Variants in NAALADL2 observed in about 807,000 individuals in gnomAD.
The protein encoded by NAALADL2 is inactive N-acetylated-alpha-linked acidic dipeptidase-like protein 2.
Under a neutral mutation model 87.2 loss-of-function variants are expected in NAALADL2, and 76 were observed. That is an observed-to-expected ratio of 0.87 (90% CI 0.72 to 1.05). The LOEUF (loss-of-function observed/expected upper bound fraction) is 1.05, where lower values mean the gene tolerates loss of function less well. Ranked by LOEUF, NAALADL2 falls within the 50% of genes least tolerant of loss-of-function variation. The pLI is 0.00. For synonymous variants in NAALADL2, 354 were observed against 331.0 expected, an observed-to-expected ratio of 1.07 and a Z score of -0.75; for missense variants, 1,089 against 945.8, an observed-to-expected ratio of 1.15 and a Z score of -1.99.
In NAALADL2 at chr3:175,466,927, AT is replaced by A. The variant is rs551899817; in HGVS notation, c.1328-50del. The A allele has an allele frequency of 7.7e-5, 105 of 1,363,124 alleles. No individual in the cohort carries two copies. The African/African-American group carries it at 1.2e-3, about 15-fold the overall frequency. 84.4% of individuals were successfully genotyped at this position (1,363,124 alleles called of 1,614,324 possible). On this transcript the variant is annotated intron_variant, in intron 7 of 13. Transcript: ENST00000454872. The stretch of plus-strand genomic sequence containing the variant: ...GAATTATGTAAATGTCATTAAATTT[AT>A]TGTTAAGGTTTACATTTTTTTAAAT...
intron 11 of NAALADL2, among the ~76,000 whole-genome samples, chr3:175,641,883 A>G (rs534364940): frequency 5.3e-5 from 8 of 152,348 alleles, no homozygotes; most frequent in Admixed American, 3.3e-4. Flanking sequence ...TTCAAATGCC[A>G]GGTATATTAG....
intron 2 of NAALADL2, among the ~76,000 whole-genome samples, chr3:175,126,739 AG>A (rs1467663828): frequency 6.6e-6 from 1 of 152,136 alleles, no homozygotes; most frequent in African/African-American, 2.4e-5. Context: ...AAGTTTCCTG[AG>A]GTTGACAGGT....
chr3:175,634,009 T>C (rs2149736459), intron 11 of NAALADL2, among the ~76,000 whole-genome samples: 1 of 151,936 alleles, frequency 6.6e-6, no homozygotes, highest in South Asian at 2.1e-4. Flanking sequence ...TAAGAAAATA[T>C]TTGTGTAAAG....
chr3:174,753,339 G>C (rs751559389), intron 3 of NAALADL2, among the ~76,000 whole-genome samples: 5 of 151,946 alleles, frequency 3.3e-5, no homozygotes, highest in Non-Finnish European at 5.9e-5. Flanking sequence ...GCCTCCCAAA[G>C]TGCTGGGATT....
chr3:175,735,699 T>C (rs1315374699), intron 11 of NAALADL2, among the ~76,000 whole-genome samples: 3 of 152,248 alleles, frequency 2.0e-5, no homozygotes, highest in East Asian at 3.9e-4. Context: ...GGGAAAGACA[T>C]GCCCCCATGA....
chr3:174,918,910 G>A (rs565856706), intron 1 of NAALADL2, among the ~76,000 whole-genome samples: 1 of 151,624 alleles, frequency 6.6e-6, no homozygotes, highest in Admixed American at 6.6e-5. Flanking sequence ...TAATATTGAT[G>A]TTCAGATCGG....
intron 9 of NAALADL2, among the ~76,000 whole-genome samples, chr3:175,558,547 T>A (rs1715739082): frequency 1.3e-5 from 2 of 152,206 alleles, no homozygotes; most frequent in Admixed American, 1.3e-4. Context: ...AGCAGTTTCA[T>A]AGTTGGAAGT....
At chr3:174,843,774 G>A in intron 3 of NAALADL2, among the ~76,000 whole-genome samples, 1 of 152,042 alleles carries the variant, frequency 6.6e-6, no homozygotes, top group East Asian at 1.9e-4. Flanking sequence ...TTTCCCTGAT[G>A]AATAGCGATG....
chr3:174,515,901 A>G (rs573220135), intron 1 of NAALADL2, among the ~76,000 whole-genome samples: 90 of 152,082 alleles, frequency 5.9e-4, no homozygotes, highest in Non-Finnish European at 1.1e-3. Context: ...GACATTAAAC[A>G]TAGGCAAAAG....
At chr3:175,670,376 A>C (rs1733768882) in intron 11 of NAALADL2, among the ~76,000 whole-genome samples, 1 of 148,496 alleles carries the variant, frequency 6.7e-6, no homozygotes, top group Non-Finnish European at 1.5e-5. Context: ...TATTTTAATC[A>C]AAATTATAAC....
intron 10 of NAALADL2, among the ~76,000 whole-genome samples, chr3:175,580,404 T>A (rs952190385): frequency 2.0e-5 from 3 of 152,200 alleles, no homozygotes; most frequent in African/African-American, 7.2e-5. Flanking sequence ...TTTTCATGTT[T>A]TACTTTAAGT....
intron 5 of NAALADL2, among the ~76,000 whole-genome samples, chr3:175,430,788 C>T (rs1350622692): frequency 6.6e-6 from 1 of 152,020 alleles, no homozygotes; most frequent in Non-Finnish European, 1.5e-5. Flanking sequence ...AACTATAATG[C>T]AGATTTAGAC....
intron 1 of NAALADL2, among the ~76,000 whole-genome samples, chr3:174,520,225 G>T (rs1424731318): frequency 1.3e-5 from 2 of 152,068 alleles, no homozygotes; most frequent in Non-Finnish European, 2.9e-5. Context: ...CCTAAAGTTC[G>T]TATGGAATCA....
intron 1 of NAALADL2, among the ~76,000 whole-genome samples, chr3:175,032,495 G>C (rs568304045): frequency 2.4e-4 from 37 of 151,986 alleles, no homozygotes; most frequent in African/African-American, 8.0e-4. Flanking sequence ...CCACATTAAA[G>C]TGTCAATACA....
chr3:174,715,610 C>T (rs1731107636), intron 2 of NAALADL2, among the ~76,000 whole-genome samples: 1 of 152,134 alleles, frequency 6.6e-6, no homozygotes, highest in African/African-American at 2.4e-5. Flanking sequence ...AGCCAATAAT[C>T]AGCAAAAGCC....
At chr3:175,791,641 C>CT (rs1752788714) in intron 13 of NAALADL2, among the ~76,000 whole-genome samples, 1 of 152,130 alleles carries the variant, frequency 6.6e-6, no homozygotes, top group African/African-American at 2.4e-5. Flanking sequence ...CCTAAACTGA[C>CT]TATTTCTATA....
At chr3:175,069,298 C>T (rs1715138020) in intron 1 of NAALADL2, among the ~76,000 whole-genome samples, 1 of 149,924 alleles carries the variant, frequency 6.7e-6, no homozygotes, top group African/African-American at 2.5e-5. Flanking sequence ...CTACAATGAA[C>T]TCAAACAAAT....
At position 174,486,957 on chromosome 3, in the gene NAALADL2, T is replaced by C. The variant is rs575595602; in HGVS notation, c.-184+45925T>C. On this transcript the variant is annotated intron_variant, in intron 1 of 3. Transcript: ENST00000434257. Reference sequence around the variant, plus strand: ...CCTTCTTATGCCCAACTTTTGGCCATAGTCATTAATTCATGATCCAAGCTG... The same window carrying C: ...CCTTCTTATGCCCAACTTTTGGCCACAGTCATTAATTCATGATCCAAGCTG... 1.4e-3 allele frequency among the ~76,000 whole-genome samples: 212 copies of C among 152,070 alleles called. 2 individuals are homozygous for C. Among genetic ancestry groups the C allele is most frequent in the African/African-American group, 4.8e-3 (201 of 41,520 alleles).
At chr3:175,633,594 T>C (rs1728106387) in intron 11 of NAALADL2, among the ~76,000 whole-genome samples, 1 of 151,948 alleles carries the variant, frequency 6.6e-6, no homozygotes, top group Non-Finnish European at 1.5e-5. Flanking sequence ...TAAAAATCTC[T>C]GAATATGAAT....
Sources: gnomAD v4.1 joint callset for allele counts (sites outside exome capture counted in the v4.1 genomes callset) on GRCh38, gnomAD v4.1.1 for gene constraint, MANE v1.5 for transcripts, NCBI Gene and HGNC (gene_info 2026-07-23, HGNC 2026-07-21) for gene names.